Variants in LETMD1 observed in about 807,000 individuals in gnomAD.
LETMD1 encodes LETM1 domain containing 1.
Under a neutral mutation model 43.9 loss-of-function variants are expected in LETMD1, and 30 were observed. That is an observed-to-expected ratio of 0.68 (90% CI 0.51 to 0.93). The LOEUF is 0.93. Among genes scored for constraint, LETMD1 ranks in the 40% least tolerant of loss-of-function variants. LETMD1 has a pLI of 0.00. For missense variants in LETMD1, 413 were observed against 447.7 expected (o/e 0.92, Z 0.70); for synonymous variants, 176 against 163.1 (o/e 1.08, Z -0.60).
intron 7 of LETMD1, 137 bp downstream of exon 7, chr12:51,056,639 A>T: frequency 1.5e-6 from 1 of 659,084 alleles, no homozygotes; most frequent in Non-Finnish European, 2.5e-6. Flanking sequence ...TCATTTATTT[A>T]TTTATGATTT....
intron 2 of LETMD1, chr12:51,049,386 A>ATG: frequency 1.9e-6 from 1 of 522,220 alleles, no homozygotes; most frequent in Non-Finnish European, 3.4e-6. Context: ...TATGAGAAAC[A>ATG]ACTTATGACA....
At chr12:51,061,216 ATTTC>A (rs1592730644), downstream of LETMD1, 1 of 152,524 alleles carries the variant, frequency 6.6e-6, no homozygotes, top group African/African-American at 2.4e-5. Flanking sequence ...TCTTTTGAAT[ATTTC>A]TTTAATATTA....
At chr12:51,058,395 G>C in intron 8 of LETMD1, 1 of 463,972 alleles carries the variant, frequency 2.2e-6, no homozygotes, top group Non-Finnish European at 3.9e-6. Flanking sequence ...CTTATGGGGG[G>C]AATATCCTGT....
the LETMD1 span, among the ~76,000 whole-genome samples, chr12:51,067,090 C>G: frequency 6.6e-6 from 1 of 152,120 alleles, no homozygotes; most frequent in Non-Finnish European, 1.5e-5. This position sits in a 1 kb window ranked among gnomAD's most constrained non-coding sequence, Gnocchi z 4.1. Context: ...CTCGGCCTCC[C>G]AAAGTGCTGG....
chr12:51,061,873 A>T (rs1370967553), downstream of LETMD1: 1 of 152,154 alleles, frequency 6.6e-6, no homozygotes, highest in Non-Finnish European at 1.5e-5. Context: ...ATAAAGCCAA[A>T]TTCCCAATTA....
intron 3 of LETMD1, 23 bp from the exon 4 acceptor site, chr12:51,053,755 C>T (rs766045699): frequency 1.3e-6 from 2 of 1,555,896 alleles, no homozygotes; most frequent in East Asian, 2.2e-5. Flanking sequence ...GTTAAAACTG[C>T]ATCTGTGTTT....
intron 2 of LETMD1, chr12:51,049,522 G>T (rs774873600): frequency 6.8e-5 from 14 of 206,028 alleles, no homozygotes; most frequent in Admixed American, 1.6e-4. Context: ...GCCCTGTGAT[G>T]TATCAGTTGA....
In LETMD1 at chr12:51,059,475, T is replaced by C. The variant is rs1297056847; in HGVS notation, c.*44T>C. ...GGCATTGTCCTGCAGTCGTATAGTA[T>C]AGCAGTGCAGGAACAAACAGCACTT... On this transcript the variant is annotated 3_prime_UTR_variant, in exon 9 of 9. Coordinates refer to ENST00000262055, the MANE Select transcript of LETMD1 (RefSeq NM_015416.5). The C allele has an allele frequency of 3.9e-6, 6 of 1,556,556 alleles. No individual in the cohort carries two copies. Among genetic ancestry groups the C allele is most frequent in the Non-Finnish European group, 5.3e-6 (6 of 1,127,726 alleles).
chr12:51,053,416 G>A (rs928862085), intron 3 of LETMD1, among the ~76,000 whole-genome samples: 1 of 152,206 alleles, frequency 6.6e-6, no homozygotes, highest in East Asian at 1.9e-4. Flanking sequence ...GCCAAGGCGG[G>A]CAGATCACTG....
At chr12:51,049,247 C>G (rs1945259756) in intron 2 of LETMD1, 62 bp downstream of exon 2, 1 of 1,424,884 alleles carries the variant, frequency 7.0e-7, no homozygotes, top group Non-Finnish European at 9.6e-7. Context: ...AAAGAGTTAG[C>G]ATAAATAAGA....
downstream of LETMD1, chr12:51,064,013 A>G: frequency 6.2e-7 from 1 of 1,614,222 alleles, no homozygotes. Context: ...GTGAGGTAAC[A>G]GGGAGAGAGA....
At chr12:51,048,685 T>A (rs1265453592) in intron 1 of LETMD1, 8 of 649,588 alleles carry the variant, frequency 1.2e-5, no homozygotes. Flanking sequence ...TTGTCTGGTT[T>A]CCCCGCGTGT....
chr12:51,057,208 C>T (rs995128597), intron 7 of LETMD1, among the ~76,000 whole-genome samples: 1 of 152,018 alleles, frequency 6.6e-6, no homozygotes, highest in East Asian at 1.9e-4. Context: ...TGCACTCCAG[C>T]CTGGGTGATA....
At chr12:51,056,621 C>T (rs777279990) in intron 7 of LETMD1, 119 bp downstream of exon 7, 4 of 781,222 alleles carry the variant, frequency 5.1e-6, no homozygotes, top group South Asian at 4.7e-5. Context: ...CTTCTTTATT[C>T]TCTCACTTCA....
At chr12:51,051,420 G>A (rs1412198342) in intron 2 of LETMD1, among the ~76,000 whole-genome samples, 1 of 149,460 alleles carries the variant, frequency 6.7e-6, no homozygotes, top group Non-Finnish European at 1.5e-5. Flanking sequence ...AAAAATAAGT[G>A]TTCCAGGCCG....
chr12:51,052,475 C>G (rs1946434870), intron 3 of LETMD1: 2 of 401,062 alleles, frequency 5.0e-6, no homozygotes, highest in Non-Finnish European at 8.9e-6. Flanking sequence ...TAATTAGTTT[C>G]TGAACATAAC....
chr12:51,055,492 C>G (rs960647675), intron 4 of LETMD1, among the ~76,000 whole-genome samples: 1 of 151,426 alleles, frequency 6.6e-6, no homozygotes, highest in Non-Finnish European at 1.5e-5. Context: ...TAGCAAGACC[C>G]GTCTCTGCAA....
intron 2 of LETMD1, among the ~76,000 whole-genome samples, chr12:51,051,347 T>C (rs1335848976): frequency 6.6e-6 from 1 of 151,832 alleles, no homozygotes; most frequent in East Asian, 1.9e-4. Flanking sequence ...GACGTTGCAG[T>C]GAGCCGAGAT....
downstream of LETMD1, chr12:51,064,039 TCTC>T (rs1236073292): frequency 1.2e-6 from 2 of 1,614,060 alleles, no homozygotes; most frequent in Admixed American, 1.7e-5. Context: ...TTCAGATCCT[TCTC>T]CTTTGGGAAA....
Sources: allele counts gnomAD v4.1 joint callset (sites outside exome capture counted in the v4.1 genomes callset), GRCh38; gene constraint gnomAD v4.1.1; non-coding constraint Gnocchi (gnomAD v3.1); transcripts MANE v1.5; gene names NCBI Gene and HGNC (gene_info 2026-07-23, HGNC 2026-07-21).